Variants in RBM44 observed in about 807,000 individuals in gnomAD.
RBM44 encodes RNA-binding protein 44.
RBM44 carries 66 observed loss-of-function variants against 105.1 expected under a neutral mutation model. That is an observed-to-expected ratio of 0.63 (90% CI 0.52 to 0.77). RBM44 has a LOEUF of 0.77. Among genes scored for constraint, RBM44 ranks in the 30% least tolerant of loss-of-function variants. The probability of loss-of-function intolerance (pLI) is 0.00; values close to 1 mark genes in which losing one functional copy is unlikely to be tolerated. For missense variants in RBM44, 1,122 were observed against 1,207.8 expected, an observed-to-expected ratio of 0.93 and a Z score of 1.05; for synonymous variants, 365 against 417.6, an observed-to-expected ratio of 0.87 and a Z score of 1.54.
In RBM44 at chr2:237,809,418, A is replaced by G. The variant is rs115976580; in HGVS notation, c.-18-4174A>G. On this transcript the variant is annotated intron_variant, in intron 1 of 15. Transcript: ENST00000316997. ...TTTCCCTTTACAGCAAAAAATTTGA[A>G]TGAAATGTGTATACTCAGTGTCTCT... Among the ~76,000 whole-genome samples the G allele has an allele frequency of 2.8e-3, 432 of 152,250 alleles. 4 individuals carry two copies. The highest frequency in any genetic ancestry group is 4.6e-3 in the Non-Finnish European group (316 of 68,028).
At chr2:237,836,863 T>C (rs760745483) in intron 15 of RBM44, among the ~76,000 whole-genome samples, 3 of 151,866 alleles carry the variant, frequency 2.0e-5, no homozygotes, top group Admixed American at 6.6e-5. Context: ...TTCCTGGCCT[T>C]AAGCAATTCT....
At chr2:237,827,542 G>A in intron 12 of RBM44, 39 bp downstream of exon 12, 1 of 1,160,128 alleles carries the variant, frequency 8.6e-7, no homozygotes, top group Non-Finnish European at 1.2e-6. Context: ...ATTATTATGT[G>A]TCTGCTGTTT....
intron 9 of RBM44, among the ~76,000 whole-genome samples, chr2:237,824,019 G>A (rs997677548): frequency 6.6e-5 from 10 of 152,120 alleles, no homozygotes; most frequent in South Asian, 2.1e-4. Flanking sequence ...AAAATTAAGG[G>A]TTTCAATAAG....
intron 15 of RBM44, among the ~76,000 whole-genome samples, chr2:237,835,443 G>C (rs189111151): frequency 1.7e-3 from 257 of 152,292 alleles, no homozygotes; most frequent in Admixed American, 4.9e-3. Flanking sequence ...GCTGAAAACT[G>C]GGCCTTTTGT....
intron 9 of RBM44, 21 bp downstream of exon 9, chr2:237,823,575 T>C (rs1253767740): frequency 2.8e-6 from 3 of 1,058,154 alleles, no homozygotes; most frequent in Middle Eastern, 2.5e-4. Flanking sequence ...AAATGTGTTA[T>C]CTTGTATAGT....
At chr2:237,820,395 C>G (rs749838881) in intron 5 of RBM44, 44 bp downstream of exon 5, 1 of 1,221,662 alleles carries the variant, frequency 8.2e-7, no homozygotes, top group South Asian at 1.5e-5. Flanking sequence ...AAATGTGTCA[C>G]TAGCTTTAAG....
chr2:237,821,247 C>T lies in RBM44; in HGVS notation c.2090C>T (p.Ala697Val). Reference protein sequence around the residue: ...SKLLSTFSTFASRLMKKETHV... With the variant: ...SKLLSTFSTFVSRLMKKETHV... ...TTATTATCTACCTTCTCTACTTTTG[C>T]TTCCAGGGTATGTATATATGTTTTA... The change falls in exon 6 of 16, where the codon GCT (alanine) becomes GTT (valine). Residue 697 changes from alanine (A) to valine (V), a missense_variant. Physicochemically the swap from Ala to Val is moderately conservative, Grantham distance 64 (BLOSUM62 0). Coordinates refer to ENST00000316997, the MANE Select transcript of RBM44 (RefSeq NM_001080504.3). 3 of 1,596,462 alleles carry T rather than the reference C, an allele frequency of 1.9e-6. No individual in the cohort carries two copies. The highest frequency in any genetic ancestry group is 1.7e-6 in the Non-Finnish European group (2 of 1,170,430).
chr2:237,813,938 T>C (rs986293437), intron 2 of RBM44, among the ~76,000 whole-genome samples: 1 of 152,176 alleles, frequency 6.6e-6, no homozygotes, highest in African/African-American at 2.4e-5. Flanking sequence ...TTTCAAGAAC[T>C]GCTGACAGGT....
chr2:237,815,838 A>G (rs953698781), intron 2 of RBM44, among the ~76,000 whole-genome samples: 1 of 150,694 alleles, frequency 6.6e-6, no homozygotes, highest in Admixed American at 6.6e-5. Flanking sequence ...CTTTAGTCCC[A>G]CCTCTGTTTT....
chr2:237,837,973 G>T (rs1475471945), intron 15 of RBM44, among the ~76,000 whole-genome samples: 1 of 151,608 alleles, frequency 6.6e-6, no homozygotes, highest in Non-Finnish European at 1.5e-5. Flanking sequence ...CTCCAATTTT[G>T]AAAGAAGTCC....
intron 10 of RBM44, among the ~76,000 whole-genome samples, chr2:237,824,723 G>A (rs2061830453): frequency 6.6e-6 from 1 of 152,116 alleles, no homozygotes; most frequent in African/African-American, 2.4e-5. Context: ...CCAGGCACGG[G>A]TACATGGTGA....
chr2:237,817,702 C>T lies in RBM44; in HGVS notation c.783C>T (p.Val261=). 6.2e-7 allele frequency: 1 copy of T among 1,612,444 alleles called. No homozygotes were observed. Among genetic ancestry groups the T allele is most frequent in the South Asian group, 1.1e-5 (1 of 91,002 alleles). Residue 261 remains valine (V), a synonymous_variant, in exon 3 of 16, where the codon GTC becomes GTT. Transcript: ENST00000316997. ...ATGGACAAGAAGAGTCACTTCATGT[C>T]TCCAAATTTCAGAATTCTGTTATGT... ...DVYGQEESLH[V]SKFQNSVMLR... is the part of the protein sequence containing the mutation.
chr2:237,829,806 T>G (rs79731175), intron 13 of RBM44, among the ~76,000 whole-genome samples: 3,692 of 152,292 alleles, frequency 0.024, 59 homozygotes, highest in Middle Eastern at 0.085. Context: ...ATCTTTATTT[T>G]TCTTTCATAG....
intron 1 of RBM44, among the ~76,000 whole-genome samples, chr2:237,808,490 A>G (rs1481561948): frequency 6.6e-6 from 1 of 151,948 alleles, no homozygotes; most frequent in African/African-American, 2.4e-5. Flanking sequence ...AGAAAAAAAA[A>G]AAAACTAGGT....
intron 2 of RBM44, among the ~76,000 whole-genome samples, chr2:237,815,654 C>G (rs747208704): frequency 6.6e-6 from 1 of 151,718 alleles, no homozygotes; most frequent in Non-Finnish European, 1.5e-5. Flanking sequence ...TTTACTTATA[C>G]ACATACATAT....
At chr2:237,809,134 A>G (rs1339177000) in intron 1 of RBM44, among the ~76,000 whole-genome samples, 1 of 152,140 alleles carries the variant, frequency 6.6e-6, no homozygotes, top group African/African-American at 2.4e-5. Flanking sequence ...ATCCATTTTA[A>G]TTTACATTTT....
Position 237,834,087 on chromosome 2 carries a change from C to T in RBM44, c.2977C>T (p.Arg993Cys), listed in dbSNP as rs778768338. ...QFIPPNTLNLRSFTKIIKRLA... is the reference protein window; with the variant it reads ...QFIPPNTLNLCSFTKIIKRLA... Reference sequence around the variant, plus strand: ...CATACCTCCAAATACATTGAACCTTCGTAGCTTTACCAAGATCATAAAGAG... The same window carrying T: ...CATACCTCCAAATACATTGAACCTTTGTAGCTTTACCAAGATCATAAAGAG... Residue 993 changes from arginine to cysteine, a missense_variant, in exon 14 of 16, where the codon CGT becomes TGT. Around this residue, in one of 3 missense-constraint regions of RBM44, gnomAD observed 194 missense variants for 225.5 expected, o/e 0.86. Coordinates refer to ENST00000316997, the MANE Select transcript of RBM44 (RefSeq NM_001080504.3). 35 of 1,582,030 alleles carry T rather than the reference C, an allele frequency of 2.2e-5. No homozygotes were observed. Among genetic ancestry groups the T allele is most frequent in the South Asian group, 2.0e-4 (17 of 86,496 alleles).
chr2:237,812,423 ATTC>A (rs1416985881), intron 1 of RBM44, among the ~76,000 whole-genome samples: 1 of 152,106 alleles, frequency 6.6e-6, no homozygotes, highest in African/African-American at 2.4e-5. Context: ...GGTAGTCTGT[ATTC>A]TTATTGTCAT....
chr2:237,824,431 A>G lies in RBM44; in HGVS notation c.2449+12A>G, dbSNP rs1468934572. On this transcript the variant is annotated intron_variant, in intron 10 of 15. Coordinates refer to ENST00000316997, the MANE Select transcript of RBM44 (RefSeq NM_001080504.3). ...GGATCTTACAGGAGGTTGGTTCTCA[A>G]GAATTTACCGAGAAATCCTAACCTA... 1.2e-6 allele frequency: 2 copies of G among 1,609,704 alleles called. No homozygotes were observed. Among genetic ancestry groups the G allele is most frequent in the Non-Finnish European group, 1.7e-6 (2 of 1,177,240 alleles).
Sources: gnomAD v4.1 joint callset for allele counts (sites outside exome capture counted in the v4.1 genomes callset) on GRCh38, gnomAD v4.1.1 for gene constraint, gnomAD v4.1.1 regional missense constraint, MANE v1.5 for transcripts, NCBI Gene and HGNC (gene_info 2026-07-23, HGNC 2026-07-21) for gene names.